HDAC4: variants seen among roughly 807,000 people sequenced by gnomAD.
The protein encoded by HDAC4 is histone deacetylase A.
A neutral mutation model predicts 135.1 loss-of-function variants in HDAC4; 16 were observed. The ratio of observed to expected loss-of-function variants is 0.12; its 90% CI spans 0.08 to 0.18. HDAC4 has a LOEUF of 0.18. HDAC4 is among the 10% of genes least tolerant of loss of function. HDAC4 has a pLI of 1.00. For synonymous variants in HDAC4, 685 were observed against 653.4 expected, an observed-to-expected ratio of 1.05 and a Z score of -0.74; for missense variants, 1,143 against 1,511.8, an observed-to-expected ratio of 0.76 and a Z score of 4.05.
chr2:239,234,738 C>A (rs2047783481), intron 3 of HDAC4, among the ~76,000 whole-genome samples: 1 of 152,176 alleles, frequency 6.6e-6, no homozygotes, highest in African/African-American at 2.4e-5. Context: ...GGCTGAAGCC[C>A]CGGCCTGTCC....
rs2041772107 is a variant in HDAC4 at position 239,146,499 on chromosome 2, G to T, written c.734-1785C>A. Among the ~76,000 whole-genome samples the T allele has an allele frequency of 6.6e-6, 1 of 152,094 alleles. No individual in the cohort carries two copies. The highest frequency in any genetic ancestry group is 2.4e-5 in the African/African-American group (1 of 41,418). On this transcript the variant is annotated intron_variant, in intron 7 of 26. Coordinates refer to ENST00000543185, the MANE Select transcript of HDAC4 (RefSeq NM_001378414.1). The surrounding 1 kb of genome is among the most constrained non-coding windows in gnomAD (Gnocchi z 4.5). ...GGCATCGGGAGGCGGGCATGACATG[G>T]TCACTCCAGGCTACCATGGACTGGC...
chr2:239,370,083 C>T (rs547517275), intron 1 of HDAC4, among the ~76,000 whole-genome samples: 63 of 152,324 alleles, frequency 4.1e-4, no homozygotes, highest in Non-Finnish European at 6.8e-4. Context: ...CTGTACAGGA[C>T]GGCAGGCCGT....
intron 15 of HDAC4, among the ~76,000 whole-genome samples, chr2:239,105,179 A>G (rs2038010234): frequency 6.6e-6 from 1 of 152,202 alleles, no homozygotes; most frequent in African/African-American, 2.4e-5. Flanking sequence ...ATAAGACAGA[A>G]GGAGTCTTTG....
chr2:239,074,007 C>T, intron 22 of HDAC4, among the ~76,000 whole-genome samples: 1 of 144,010 alleles, frequency 6.9e-6, no homozygotes, highest in Admixed American at 6.8e-5. Context: ...CTGAGGGGGG[C>T]AGCAGGACTG....
rs1342243712 is a variant in HDAC4 at position 239,049,374 on chromosome 2, T to C, written c.*3723A>G. The C allele has an allele frequency of 6.6e-6, 1 of 152,510 alleles. No homozygotes were observed. The highest frequency in any genetic ancestry group is 1.5e-5 in the Non-Finnish European group (1 of 68,028). 9.4% of individuals were successfully genotyped at this position (152,510 alleles called of 1,614,324 possible). A position where few individuals can be genotyped will look rare whatever the true frequency, so the allele number is the denominator to read the frequency against. ...TTCTTCTTCCCCAAAGCTGCCGAGT[T>C]TGGCGTGCAAAATCTGTATACAATA... is the stretch of plus-strand genomic sequence containing the variant. On this transcript the variant is annotated 3_prime_UTR_variant, in exon 27 of 27. Coordinates refer to ENST00000543185, the MANE Select transcript of HDAC4 (RefSeq NM_001378414.1).
At chr2:239,290,739 C>T (rs184006840) in intron 2 of HDAC4, among the ~76,000 whole-genome samples, 164 of 152,200 alleles carry the variant, frequency 1.1e-3, no homozygotes, top group African/African-American at 3.8e-3. Flanking sequence ...TACGCACACA[C>T]GCGCACGCAC....
chr2:239,219,394 T>C lies in HDAC4; in HGVS notation c.94+17199A>G, dbSNP rs180900783. ...ACAAAAAACCAAACACAGCATGTTC[T>C]CACTCATAGGTAGGAATTGAACATT... On this transcript the variant is annotated intron_variant, in intron 3 of 26. Transcript: ENST00000543185. 2.7e-5 allele frequency among the ~76,000 whole-genome samples: 4 copies of C among 149,354 alleles called. No homozygotes were observed. In the East Asian group the frequency reaches 6.0e-4, roughly 22 times the overall value.
intron 2 of HDAC4, 96 bp from the exon 3 acceptor site, chr2:239,236,760 T>C: frequency 1.2e-6 from 1 of 833,192 alleles, no homozygotes; most frequent in South Asian, 1.4e-5. Context: ...CCCCAAACAA[T>C]GAAATGCATG....
rs2152852334 is a variant in HDAC4, at chr2:239,126,678, G to A, written c.1311C>T (p.Gly437=). Residue 437 remains glycine (G), a synonymous_variant, in exon 12 of 27, where the codon GGC becomes GGT. Transcript: ENST00000543185. The part of the protein sequence containing the change: ...APLVTDWYLS[G]LGALPLHAQS... ...GTGCGTGGAGGGGCAGTGCTCCCAG[G>A]CCTGAAAGATACCAGTCTGAAGATA... 6.2e-7 allele frequency: 1 copy of A among 1,613,842 alleles called. No homozygotes were observed. Among genetic ancestry groups the A allele is most frequent in the Non-Finnish European group, 8.5e-7 (1 of 1,179,956 alleles).
At chr2:239,104,825 T>C (rs114833891) in intron 15 of HDAC4, among the ~76,000 whole-genome samples, 27 of 152,350 alleles carry the variant, frequency 1.8e-4, no homozygotes, top group South Asian at 4.1e-4. Flanking sequence ...ACAAATGAAA[T>C]TCACAAATTA....
At chr2:239,114,039 G>A (rs1182001796) in intron 13 of HDAC4, among the ~76,000 whole-genome samples, 1 of 152,236 alleles carries the variant, frequency 6.6e-6, no homozygotes, top group Non-Finnish European at 1.5e-5. Context: ...CTGATCCCGT[G>A]TGTGGCAGGC....
intron 2 of HDAC4, among the ~76,000 whole-genome samples, chr2:239,239,744 T>A (rs2048071536): frequency 6.6e-6 from 1 of 152,208 alleles, no homozygotes; most frequent in Admixed American, 6.5e-5. Context: ...CATGTTCACA[T>A]CTTTGTAGAA....
intron 3 of HDAC4, chr2:239,191,169 G>A (rs1448802806): frequency 8.2e-6 from 3 of 364,316 alleles, no homozygotes; most frequent in Non-Finnish European, 1.7e-5. Context: ...TGGGGAGGTG[G>A]GGCCTTGCCC....
At chr2:239,345,804 C>A (rs1032579165) in intron 2 of HDAC4, among the ~76,000 whole-genome samples, 2 of 146,418 alleles carry the variant, frequency 1.4e-5, no homozygotes, top group African/African-American at 5.1e-5. Context: ...CACCCTAACA[C>A]ACATACACAT....
intron 2 of HDAC4, among the ~76,000 whole-genome samples, chr2:239,282,803 ACAC>A (rs2050882588): frequency 6.6e-6 from 1 of 151,456 alleles, no homozygotes; most frequent in East Asian, 2.0e-4. Flanking sequence ...CACAATGTAC[ACAC>A]CACTCTACAC....
At position 239,141,248 on chromosome 2, in the gene HDAC4, C is replaced by T. The variant is rs933567928; in HGVS notation, c.866-1452G>A. ...AGGAACACCCTGGGAACATCTTGCC[C>T]TCAACAGCAGGGCAGTCTAAACCTC... On this transcript the variant is annotated intron_variant, in intron 8 of 26. Coordinates refer to ENST00000543185, the MANE Select transcript of HDAC4 (RefSeq NM_001378414.1). The surrounding 1 kb of genome is among the most constrained non-coding windows in gnomAD (Gnocchi z 4.9). Among the ~76,000 whole-genome samples, 2 of 152,128 alleles carry T rather than the reference C, an allele frequency of 1.3e-5. No homozygotes were observed. The highest frequency in any genetic ancestry group is 4.8e-5 in the African/African-American group (2 of 41,430).
chr2:239,331,297 G>A lies in HDAC4; in HGVS notation c.22+21381C>T, dbSNP rs1691555281. Among the ~76,000 whole-genome samples the A allele has an allele frequency of 6.6e-6, 1 of 152,080 alleles. No homozygotes were observed. The highest frequency in any genetic ancestry group is 1.5e-5 in the Non-Finnish European group (1 of 68,018). On this transcript the variant is annotated intron_variant, in intron 2 of 26. Coordinates refer to ENST00000543185, the MANE Select transcript of HDAC4 (RefSeq NM_001378414.1). The surrounding 1 kb of genome is among the most constrained non-coding windows in gnomAD (Gnocchi z 4.5). ...GGTAAAAGCCACGAGAAGGAGGCAG[G>A]ATGGGGGAGGGAAGACAAGCAGGAA...
At chr2:239,210,048 A>G (rs1234398420) in intron 3 of HDAC4, among the ~76,000 whole-genome samples, 1 of 152,034 alleles carries the variant, frequency 6.6e-6, no homozygotes, top group Non-Finnish European at 1.5e-5. Context: ...GCTTTCTCAT[A>G]GACAGCCGAA....
At chr2:239,094,660 A>G (rs1216558748) in intron 17 of HDAC4, 1 of 1,182,096 alleles carries the variant, frequency 8.5e-7, no homozygotes, top group Non-Finnish European at 1.1e-6. Flanking sequence ...AGAAGCACGC[A>G]TCCTACCCGC....
Sources: gnomAD v4.1 joint callset for allele counts (sites outside exome capture counted in the v4.1 genomes callset) on GRCh38, gnomAD v4.1.1 for gene constraint, Gnocchi (gnomAD v3.1) non-coding constraint, MANE v1.5 for transcripts, NCBI Gene and HGNC (gene_info 2026-07-23, HGNC 2026-07-21) for gene names.